Variants in TMEFF2 observed in about 807,000 individuals in gnomAD.
TMEFF2 encodes the protein transmembrane protein with EGF like and two follistatin like domains 2, also known as tomoregulin-2.
Under a neutral mutation model 53.8 loss-of-function variants are expected in TMEFF2, and 28 were observed. The observed-to-expected ratio is 0.52, with a 90% CI of 0.39 to 0.71. The LOEUF is 0.71. TMEFF2 is among the 30% of genes least tolerant of loss of function. TMEFF2 has a pLI of 0.00. For synonymous variants in TMEFF2, 162 were observed against 166.3 expected (o/e 0.97, Z 0.20); for missense variants, 353 against 455.2 (o/e 0.78, Z 2.04).
intron 5 of TMEFF2, among the ~76,000 whole-genome samples, chr2:192,027,700 A>G (rs1687006546): frequency 6.6e-6 from 1 of 152,212 alleles, no homozygotes; most frequent in Non-Finnish European, 1.5e-5. Context: ...CAGGGCACAC[A>G]GAGTCCTGAA....
At position 192,135,620 on chromosome 2, in the gene TMEFF2, C is replaced by T. The variant is rs538730043; in HGVS notation, c.439+44048G>A. Among the ~76,000 whole-genome samples, 234 of 152,094 alleles carry T rather than the reference C, an allele frequency of 1.5e-3. 1 individual carries two copies. The highest frequency in any genetic ancestry group is 5.4e-3 in the African/African-American group (223 of 41,492). On this transcript the variant is annotated intron_variant, in intron 4 of 9. Coordinates refer to ENST00000272771, the MANE Select transcript of TMEFF2 (RefSeq NM_016192.4). ...CTCCATACCACCCCCCAAAAATTTT[C>T]GCCGCCCCAACACTTCAACACTATT...
At chr2:192,136,708 C>A (rs1036871042) in intron 4 of TMEFF2, among the ~76,000 whole-genome samples, 7 of 152,112 alleles carry the variant, frequency 4.6e-5, no homozygotes, top group Non-Finnish European at 2.9e-5. Context: ...TCTCCTTTCC[C>A]TCTCTCTCCA....
In TMEFF2 at chr2:191,970,230, A is replaced by G. The variant is rs550362273; in HGVS notation, c.746-13852T>C. ...ATGCCCAGCATTACTTTTTTTTTCTATCAGCAAAATATTATATCTAGTGAT... is the reference window on the plus strand; with the variant it reads ...ATGCCCAGCATTACTTTTTTTTTCTGTCAGCAAAATATTATATCTAGTGAT... On this transcript the variant is annotated intron_variant, in intron 7 of 9. Transcript: ENST00000272771. Among the ~76,000 whole-genome samples, 25 of 151,856 alleles carry G rather than the reference A, an allele frequency of 1.6e-4. No individual in the cohort carries two copies. In the South Asian group the frequency reaches 3.9e-3, roughly 24 times the overall value.
intron 4 of TMEFF2, among the ~76,000 whole-genome samples, chr2:192,156,883 A>G (rs1289009521): frequency 6.6e-6 from 1 of 152,038 alleles, no homozygotes; most frequent in African/African-American, 2.4e-5. Context: ...CCTTTTAGAG[A>G]TGAAGAATTA....
chr2:191,971,917 A>T (rs1045740869), intron 7 of TMEFF2, among the ~76,000 whole-genome samples: 1 of 152,174 alleles, frequency 6.6e-6, no homozygotes, highest in Non-Finnish European at 1.5e-5. Flanking sequence ...AGTCATATTG[A>T]GGAAAGGAAG....
intron 4 of TMEFF2, among the ~76,000 whole-genome samples, chr2:192,161,230 G>A (rs551681764): frequency 7.2e-5 from 11 of 152,156 alleles, no homozygotes; most frequent in South Asian, 2.1e-4. Context: ...GTACAGTGGC[G>A]TGATCTTGGC....
At chr2:192,056,930 C>T (rs1687924418) in intron 5 of TMEFF2, among the ~76,000 whole-genome samples, 1 of 152,212 alleles carries the variant, frequency 6.6e-6, no homozygotes, top group Non-Finnish European at 1.5e-5. Flanking sequence ...TTGGACTTCT[C>T]AGCCTTCATA....
intron 3 of TMEFF2, among the ~76,000 whole-genome samples, 166 bp downstream of exon 3, chr2:192,184,188 T>TA (rs1411830034): frequency 6.6e-6 from 1 of 152,102 alleles, no homozygotes; most frequent in Non-Finnish European, 1.5e-5. Flanking sequence ...ATTTGAAATG[T>TA]AAAAATGACA....
intron 7 of TMEFF2, among the ~76,000 whole-genome samples, chr2:191,984,690 G>A (rs1467666080): frequency 6.6e-6 from 1 of 150,600 alleles, no homozygotes; most frequent in Non-Finnish European, 1.5e-5. Context: ...TAAACATGTT[G>A]AGCCCAATAA....
intron 4 of TMEFF2, among the ~76,000 whole-genome samples, chr2:192,127,473 T>C (rs576965257): frequency 5.9e-5 from 9 of 152,298 alleles, no homozygotes; most frequent in Admixed American, 3.3e-4. Flanking sequence ...GTAAAAATTA[T>C]TGCATTTGAA....
chr2:192,079,392 T>C (rs1053900701), intron 4 of TMEFF2, among the ~76,000 whole-genome samples: 1 of 152,216 alleles, frequency 6.6e-6, no homozygotes, highest in Admixed American at 6.5e-5. Flanking sequence ...CCTCGTTTTA[T>C]CTTCCACTCA....
Position 192,184,470 on chromosome 2 carries a change from T to C in TMEFF2, c.296A>G (p.Tyr99Cys). The stretch of plus-strand genomic sequence containing the variant: ...CCCATTGGAGCCACACACAGGCACA[T>C]AGTCATTGTTGCACTGGGAAACACA... The part of the protein sequence containing the change: ...CVCQFKCNND[Y>C]VPVCGSNGES... Residue 99 changes from tyrosine to cysteine, a missense_variant, in exon 3 of 10, where the codon TAT (tyrosine) becomes TGT (cysteine). Coordinates refer to ENST00000272771, the MANE Select transcript of TMEFF2 (RefSeq NM_016192.4). 2 of 1,613,232 alleles carry C rather than the reference T, an allele frequency of 1.2e-6. No individual in the cohort carries two copies. The highest frequency in any genetic ancestry group is 1.7e-6 in the Non-Finnish European group (2 of 1,179,440).
At chr2:191,996,867 G>T (rs1202270673) in intron 7 of TMEFF2, among the ~76,000 whole-genome samples, 1 of 151,916 alleles carries the variant, frequency 6.6e-6, no homozygotes, top group Non-Finnish European at 1.5e-5. Context: ...GGCTGGGTTA[G>T]CCACGGGTTG....
At chr2:192,072,226 A>G (rs1273094510) in intron 4 of TMEFF2, among the ~76,000 whole-genome samples, 2 of 151,946 alleles carry the variant, frequency 1.3e-5, no homozygotes, top group Non-Finnish European at 2.9e-5. Context: ...TAATATTGAT[A>G]ATAACTATCA....
intron 4 of TMEFF2, among the ~76,000 whole-genome samples, chr2:192,080,092 A>G (rs1382290704): frequency 1.3e-5 from 2 of 152,224 alleles, no homozygotes; most frequent in Non-Finnish European, 2.9e-5. Flanking sequence ...ATTAGCTCAC[A>G]TCAATTAGAC....
intron 4 of TMEFF2, among the ~76,000 whole-genome samples, chr2:192,089,988 T>C (rs778413910): frequency 6.6e-6 from 1 of 152,198 alleles, no homozygotes; most frequent in Non-Finnish European, 1.5e-5. Flanking sequence ...ATTCTATCCA[T>C]CCACCAGTTG....
intron 4 of TMEFF2, among the ~76,000 whole-genome samples, chr2:192,085,172 T>C (rs573190656): frequency 6.6e-6 from 1 of 152,244 alleles, no homozygotes; most frequent in East Asian, 1.9e-4. Context: ...ATTTACATGA[T>C]GTTAATACTG....
At chr2:192,110,123 T>TA (rs1689240997) in intron 4 of TMEFF2, among the ~76,000 whole-genome samples, 1 of 152,030 alleles carries the variant, frequency 6.6e-6, no homozygotes, top group Admixed American at 6.6e-5. Flanking sequence ...GAAGTAGTTA[T>TA]TAGAAGCATG....
intron 4 of TMEFF2, among the ~76,000 whole-genome samples, chr2:192,133,961 G>A (rs949420507): frequency 1.3e-5 from 2 of 152,120 alleles, no homozygotes; most frequent in Non-Finnish European, 1.5e-5. Flanking sequence ...CATGGTTAGT[G>A]CAGTCAGAAT....
Sources: gnomAD v4.1 joint callset for allele counts (sites outside exome capture counted in the v4.1 genomes callset) on GRCh38, gnomAD v4.1.1 for gene constraint, MANE v1.5 for transcripts, NCBI Gene and HGNC (gene_info 2026-07-23, HGNC 2026-07-21) for gene names.